The following FMN1 variants were observed in gnomAD, a reference collection of about 807,000 sequenced individuals.
FMN1 encodes formin 1, also known as formin-1.
FMN1 carries 110 observed loss-of-function variants against 132.4 expected under a neutral mutation model. The ratio of observed to expected loss-of-function variants is 0.83; its 90% CI spans 0.71 to 0.97. FMN1 has a LOEUF of 0.97. Ranked by LOEUF, FMN1 falls within the 50% of genes least tolerant of loss-of-function variation. The probability of loss-of-function intolerance (pLI) is 0.00; values close to 1 mark genes in which losing one functional copy is unlikely to be tolerated. For synonymous variants in FMN1, 722 were observed against 651.7 expected (o/e 1.11, Z -1.64); for missense variants, 1,792 against 1,705.3 (o/e 1.05, Z -0.90).
chr15:32,930,454 GT>G (rs2061084334), intron 9 of FMN1, among the ~76,000 whole-genome samples: 1 of 151,700 alleles, frequency 6.6e-6, no homozygotes, highest in South Asian at 2.1e-4. Context: ...CGTGTGAGGG[GT>G]TATCTCATTG....
intron 9 of FMN1, among the ~76,000 whole-genome samples, chr15:32,934,573 T>C (rs1031852225): frequency 1.3e-5 from 2 of 151,972 alleles, no homozygotes; most frequent in Non-Finnish European, 2.9e-5. Context: ...TATTTCTCTT[T>C]TGTTTCTGAA....
intron 9 of FMN1, among the ~76,000 whole-genome samples, chr15:32,957,170 CAG>C (rs774303985): frequency 2.0e-4 from 30 of 151,936 alleles, no homozygotes; most frequent in Non-Finnish European, 3.4e-4. Context: ...AGGAAACAAA[CAG>C]AGATGATTTA....
intron 6 of FMN1, among the ~76,000 whole-genome samples, chr15:33,015,906 A>C (rs1176602698): frequency 6.6e-6 from 1 of 152,202 alleles, no homozygotes; most frequent in African/African-American, 2.4e-5. Context: ...TGCTTCCCAG[A>C]TAGTGTTGAT....
chr15:32,888,826 T>C (rs1253224881), intron 15 of FMN1, among the ~76,000 whole-genome samples: 1 of 151,246 alleles, frequency 6.6e-6, no homozygotes, highest in Non-Finnish European at 1.5e-5. Context: ...TCAGATTCTT[T>C]GTATATGGGT....
intron 16 of FMN1, among the ~76,000 whole-genome samples, chr15:32,871,040 C>T (rs552668889): frequency 6.6e-6 from 1 of 152,282 alleles, no homozygotes; most frequent in South Asian, 2.1e-4. Context: ...ACTGCAAGCT[C>T]TGGCATCGAG....
chr15:32,885,543 G>C (rs1393360670), intron 16 of FMN1, among the ~76,000 whole-genome samples: 1 of 152,176 alleles, frequency 6.6e-6, no homozygotes, highest in Admixed American at 6.5e-5. Flanking sequence ...CTTGTGAGAA[G>C]TCAAAAATAG....
chr15:33,006,843 C>T (rs1335633704), intron 7 of FMN1, among the ~76,000 whole-genome samples: 5 of 151,756 alleles, frequency 3.3e-5, no homozygotes, highest in South Asian at 2.1e-4. Context: ...AAGTCGAACT[C>T]GCAGGAACAG....
chr15:32,863,161 C>A (rs549394653), intron 16 of FMN1, among the ~76,000 whole-genome samples: 1 of 152,146 alleles, frequency 6.6e-6, no homozygotes, highest in South Asian at 2.1e-4. Flanking sequence ...TACATCAGTT[C>A]GGCTAGGCGC....
At chr15:33,081,051 G>C (rs1009800164) in intron 5 of FMN1, among the ~76,000 whole-genome samples, 46 of 152,162 alleles carry the variant, frequency 3.0e-4, no homozygotes, top group Non-Finnish European at 3.2e-4. Flanking sequence ...ACTCGGACAA[G>C]TCACACAGAT....
At chr15:32,944,353 C>T (rs2061460647) in intron 9 of FMN1, among the ~76,000 whole-genome samples, 3 of 152,196 alleles carry the variant, frequency 2.0e-5, no homozygotes, top group Non-Finnish European at 2.9e-5. Flanking sequence ...TGCAAAACAG[C>T]TCTTGCTGCT....
At position 33,024,147 on chromosome 15, in the gene FMN1, C is replaced by G. The variant is rs1320165814; in HGVS notation, c.2162-16072G>C. 6.2e-5 allele frequency among the ~76,000 whole-genome samples: 9 copies of G among 146,214 alleles called. No homozygotes were observed. In the South Asian group the frequency reaches 1.1e-3, roughly 18 times the overall value. On this transcript the variant is annotated intron_variant, in intron 6 of 20. Coordinates refer to ENST00000616417, the MANE Select transcript of FMN1 (RefSeq NM_001277313.2). ...AATGGCTAATAAACATATAAACATACAAAAAGACACAATCTCACTTGTCCT... is the reference window on the plus strand; with the variant it reads ...AATGGCTAATAAACATATAAACATAGAAAAAGACACAATCTCACTTGTCCT...
chr15:32,901,929 G>C lies in FMN1; in HGVS notation c.3489C>G (p.Ile1163Met), dbSNP rs1189792963. Residue 1163 changes from isoleucine (I) to methionine (M), a missense_variant, in exon 13 of 21, where the codon ATC becomes ATG. By Grantham distance (10) the Ile-to-Met change is conservative (BLOSUM62 1). This residue lies in a region of FMN1 where 1,150 missense variants were observed against 1,043.1 expected (regional missense o/e 1.10). Coordinates refer to ENST00000616417, the MANE Select transcript of FMN1 (RefSeq NM_001277313.2). The part of the protein sequence containing the change: ...GITSLHRKVE[I>M]ITRASKDLLH... ...AACATACCTTAGAAGCTCGCGTGAT[G>C]ATCTCTACCTTTCTGTGCAAGGAGG... is the stretch of plus-strand genomic sequence containing the variant. 1 of 1,610,998 alleles carries C rather than the reference G, an allele frequency of 6.2e-7. No individual in the cohort carries two copies. The highest frequency in any genetic ancestry group is 2.2e-5 in the East Asian group (1 of 44,798).
At chr15:32,888,319 A>C (rs80005290) in intron 15 of FMN1, 27 bp from the exon 16 acceptor site, 47 of 1,558,032 alleles carry the variant, frequency 3.0e-5, no homozygotes, top group Non-Finnish European at 4.1e-5. Context: ...ACAAAAGTAC[A>C]TTATACTTCC....
chr15:33,025,878 G>A (rs56097328), intron 6 of FMN1, among the ~76,000 whole-genome samples: 5,128 of 152,128 alleles, frequency 0.034, 311 homozygotes, highest in African/African-American at 0.12. Context: ...TGAAAGTAAC[G>A]GGAAAACTTC....
rs1301022419 is a variant in FMN1, at chr15:33,003,794, C to T, written c.2223+4220G>A. Among the ~76,000 whole-genome samples the T allele has an allele frequency of 5.3e-5, 8 of 152,210 alleles. No individual in the cohort carries two copies. In the South Asian group the frequency reaches 1.7e-3, roughly 32 times the overall value. ...CATCACACTACCTGACTTCAAACTA[C>T]ACTACAAGGCTACAGTAACCAAAAC... On this transcript the variant is annotated intron_variant, in intron 7 of 20. Transcript: ENST00000616417.
intron 7 of FMN1, among the ~76,000 whole-genome samples, chr15:33,004,256 A>T (rs1376430946): frequency 1.3e-5 from 2 of 152,228 alleles, no homozygotes; most frequent in Non-Finnish European, 2.9e-5. Context: ...GTGAACAGGC[A>T]ACCTACAGAA....
intron 17 of FMN1, among the ~76,000 whole-genome samples, chr15:32,816,757 A>C (rs1015740785): frequency 5.9e-5 from 9 of 152,234 alleles, no homozygotes; most frequent in African/African-American, 1.9e-4. Flanking sequence ...ACAGAAAAAC[A>C]ACCATTGTCA....
At chr15:32,982,118 C>G (rs989765363) in intron 7 of FMN1, among the ~76,000 whole-genome samples, 1 of 152,050 alleles carries the variant, frequency 6.6e-6, no homozygotes, top group African/African-American at 2.4e-5. Flanking sequence ...ATACGAATAG[C>G]AAATAAGCAC....
intron 7 of FMN1, among the ~76,000 whole-genome samples, chr15:32,988,525 AT>A (rs2033226609): frequency 6.6e-6 from 1 of 152,178 alleles, no homozygotes; most frequent in African/African-American, 2.4e-5. Context: ...TTTTCTGCCC[AT>A]CACTTAGACT....
Sources: allele counts gnomAD v4.1 joint callset (sites outside exome capture counted in the v4.1 genomes callset), GRCh38; gene constraint gnomAD v4.1.1; regional missense constraint gnomAD v4.1.1; transcripts MANE v1.5; gene names NCBI Gene and HGNC (gene_info 2026-07-23, HGNC 2026-07-21).